TTC27: variants seen among roughly 807,000 people sequenced by gnomAD.
The protein encoded by TTC27 is tetratricopeptide repeat domain 27.
A neutral mutation model predicts 115.9 loss-of-function variants in TTC27; 79 were observed. The ratio of observed to expected loss-of-function variants is 0.68; its 90% CI spans 0.57 to 0.82. The LOEUF is 0.82. Among genes scored for constraint, TTC27 ranks in the 40% least tolerant of loss-of-function variants. The pLI is 0.00. For missense variants in TTC27, 1,054 were observed against 993.1 expected, an observed-to-expected ratio of 1.06 and a Z score of -0.82; for synonymous variants, 401 against 356.0, an observed-to-expected ratio of 1.13 and a Z score of -1.42.
At position 32,812,744 on chromosome 2, in the gene TTC27, G is replaced by T. The variant is rs1413489348; in HGVS notation, c.2308+129G>T. On this transcript the variant is annotated intron_variant, in intron 18 of 19. Coordinates refer to ENST00000317907, the MANE Select transcript of TTC27 (RefSeq NM_017735.5). Reference sequence around the variant, plus strand: ...ATTATTTCATTATATTGACATTGTTGTATTTAATTCAGCAAACATTCATAG... The same window carrying T: ...ATTATTTCATTATATTGACATTGTTTTATTTAATTCAGCAAACATTCATAG... 4.5e-6 allele frequency: 3 copies of T among 674,120 alleles called. No individual in the cohort carries two copies. The East Asian group carries it at 8.7e-5, about 20-fold the overall frequency. 41.8% of individuals were successfully genotyped at this position (674,120 alleles called of 1,614,324 possible).
Position 32,698,188 on chromosome 2 carries a change from C to T in TTC27, c.1120-4619C>T, listed in dbSNP as rs1235770140. 2.0e-5 allele frequency among the ~76,000 whole-genome samples: 3 copies of T among 152,056 alleles called. No individual in the cohort carries two copies. In the East Asian group the frequency reaches 5.8e-4, roughly 29 times the overall value. Reference sequence around the variant, plus strand: ...ACTCTGTTCAGCCCAGACTGGAGTGCAGTAGTGTGATCATGGCTCACTGCA... The same window carrying T: ...ACTCTGTTCAGCCCAGACTGGAGTGTAGTAGTGTGATCATGGCTCACTGCA... On this transcript the variant is annotated intron_variant, in intron 9 of 19. Coordinates refer to ENST00000317907, the MANE Select transcript of TTC27 (RefSeq NM_017735.5).
At chr2:32,789,623 A>G (rs1293541077) in intron 16 of TTC27, among the ~76,000 whole-genome samples, 1 of 152,152 alleles carries the variant, frequency 6.6e-6, no homozygotes, top group African/African-American at 2.4e-5. Context: ...ACATTTGCTT[A>G]GAAATCTTTC....
intron 3 of TTC27, among the ~76,000 whole-genome samples, chr2:32,638,982 A>G (rs1289221357): frequency 1.3e-5 from 2 of 151,656 alleles, no homozygotes; most frequent in Non-Finnish European, 2.9e-5. Flanking sequence ...ACAGGCACCC[A>G]CCACCACGCC....
intron 16 of TTC27, among the ~76,000 whole-genome samples, chr2:32,807,115 T>C (rs541004957): frequency 6.6e-6 from 1 of 152,262 alleles, no homozygotes; most frequent in Admixed American, 6.5e-5. Context: ...TAATCACCAC[T>C]ATGGGACATT....
chr2:32,788,949 C>T (rs907069037), intron 16 of TTC27, among the ~76,000 whole-genome samples: 8 of 152,136 alleles, frequency 5.3e-5, no homozygotes, highest in African/African-American at 7.2e-5. Flanking sequence ...GAGGGCTTGC[C>T]GTGTGTCTGA....
intron 13 of TTC27, among the ~76,000 whole-genome samples, chr2:32,768,837 A>G (rs1293783242): frequency 6.6e-6 from 1 of 152,194 alleles, no homozygotes; most frequent in Non-Finnish European, 1.5e-5. Flanking sequence ...ATCAGAGAGG[A>G]GGCCAGTTTT....
chr2:32,753,404 A>T (rs1417403143), intron 12 of TTC27, among the ~76,000 whole-genome samples: 3 of 147,710 alleles, frequency 2.0e-5, no homozygotes, highest in Non-Finnish European at 4.5e-5. Context: ...AGACTAAAGC[A>T]TACTCGGTTA....
At chr2:32,691,106 C>T (rs1666793882) in intron 9 of TTC27, among the ~76,000 whole-genome samples, 2 of 152,100 alleles carry the variant, frequency 1.3e-5, no homozygotes, top group African/African-American at 2.4e-5. Context: ...TTATTTGAAA[C>T]GTGCAGTGAC....
At chr2:32,813,677 A>G (rs1216507588) in intron 18 of TTC27, among the ~76,000 whole-genome samples, 2 of 152,224 alleles carry the variant, frequency 1.3e-5, no homozygotes, top group Non-Finnish European at 1.5e-5. Context: ...ACAAAAATTA[A>G]GAACAAGGAT....
intron 13 of TTC27, among the ~76,000 whole-genome samples, chr2:32,762,975 G>T (rs961547124): frequency 2.0e-5 from 3 of 152,208 alleles, no homozygotes; most frequent in Admixed American, 6.5e-5. Context: ...AATTCTCAGT[G>T]TGGGAGGGGC....
intron 10 of TTC27, among the ~76,000 whole-genome samples, chr2:32,703,333 G>C (rs1413633187): frequency 2.6e-5 from 4 of 152,190 alleles, no homozygotes; most frequent in Non-Finnish European, 5.9e-5. Context: ...CAGGCGTGGT[G>C]GTGGGTGCCT....
intron 13 of TTC27, among the ~76,000 whole-genome samples, chr2:32,762,581 A>T (rs1669477535): frequency 6.6e-6 from 1 of 151,884 alleles, no homozygotes; most frequent in Admixed American, 6.6e-5. Context: ...AGGAGATTCT[A>T]GATGGAGGCT....
intron 12 of TTC27, among the ~76,000 whole-genome samples, chr2:32,743,989 C>T (rs957242591): frequency 3.5e-4 from 54 of 152,202 alleles, no homozygotes; most frequent in Non-Finnish European, 5.9e-5. Flanking sequence ...CAGTTGAGTT[C>T]ATCCAATGTT....
intron 4 of TTC27, among the ~76,000 whole-genome samples, chr2:32,643,069 A>G (rs1664716770): frequency 6.6e-6 from 1 of 152,114 alleles, no homozygotes; most frequent in Non-Finnish European, 1.5e-5. Flanking sequence ...TCCCAGGTTC[A>G]AGTGATTTTC....
intron 10 of TTC27, among the ~76,000 whole-genome samples, chr2:32,725,391 A>G (rs1180813435): frequency 6.6e-6 from 1 of 152,154 alleles, no homozygotes; most frequent in African/African-American, 2.4e-5. Context: ...GGGTAAATAC[A>G]GCCATTCCAA....
At chr2:32,641,012 C>T (rs1161430172) in intron 4 of TTC27, among the ~76,000 whole-genome samples, 1 of 151,856 alleles carries the variant, frequency 6.6e-6, no homozygotes, top group Non-Finnish European at 1.5e-5. Flanking sequence ...ACAACAACAA[C>T]AAAAACAAAA....
chr2:32,628,057 T>C lies in TTC27; in HGVS notation c.-236T>C, dbSNP rs1482579604. ...CTTACTCAAGCTCGGGTTCTTCTCC[T>C]AGGCGGAAGCCAGACCAGAGAGCGT... On this transcript the variant is annotated 5_prime_UTR_variant, in exon 1 of 20. Transcript: ENST00000317907. 3.9e-6 allele frequency: 2 copies of C among 512,760 alleles called. No homozygotes were observed. The highest frequency in any genetic ancestry group is 2.2e-5 in the South Asian group (1 of 45,462). The allele number at this position is 512,760 out of a possible 1,614,324, so 31.8% of individuals were successfully genotyped here. A position where few individuals can be genotyped will look rare whatever the true frequency, so the allele number is the denominator to read the frequency against.
At chr2:32,709,546 TAGAA>T (rs1338950918) in intron 10 of TTC27, among the ~76,000 whole-genome samples, 5 of 152,052 alleles carry the variant, frequency 3.3e-5, no homozygotes, top group African/African-American at 1.2e-4. Flanking sequence ...TGAAAAGAAA[TAGAA>T]AGAAGCAGAA....
chr2:32,813,640 G>A (rs982653741), intron 18 of TTC27, among the ~76,000 whole-genome samples: 1 of 152,126 alleles, frequency 6.6e-6, no homozygotes, highest in South Asian at 2.1e-4. Flanking sequence ...TTGAGCTATA[G>A]ATGATAAGGG....
Sources: allele counts gnomAD v4.1 joint callset (sites outside exome capture counted in the v4.1 genomes callset), GRCh38; gene constraint gnomAD v4.1.1; transcripts MANE v1.5; gene names NCBI Gene and HGNC (gene_info 2026-07-23, HGNC 2026-07-21).